ADAMTS19: variants seen among roughly 807,000 people sequenced by gnomAD.
ADAMTS19 encodes the protein ADAM metallopeptidase with thrombospondin type 1 motif 19, also known as A disintegrin and metalloproteinase with thrombospondin motifs 19.
Under a neutral mutation model 153.3 loss-of-function variants are expected in ADAMTS19, and 93 were observed. The observed-to-expected ratio is 0.61, with a 90% CI of 0.51 to 0.72. The LOEUF (loss-of-function observed/expected upper bound fraction) is 0.72. Among genes scored for constraint, ADAMTS19 ranks in the 30% least tolerant of loss-of-function variants. The pLI, the probability that ADAMTS19 is intolerant of heterozygous loss-of-function variation, is 0.00. For synonymous variants in ADAMTS19, 600 were observed against 556.6 expected (o/e 1.08, Z -1.10); for missense variants, 1,482 against 1,552.1 (o/e 0.95, Z 0.76).
chr5:129,651,655 G>A (rs1397911237), intron 13 of ADAMTS19, among the ~76,000 whole-genome samples: 1 of 152,128 alleles, frequency 6.6e-6, no homozygotes, highest in Non-Finnish European at 1.5e-5. Flanking sequence ...TTCAGTGTAT[G>A]TCAGTTCCTC....
chr5:129,471,555 T>A (rs370233486), intron 2 of ADAMTS19, among the ~76,000 whole-genome samples: 3 of 152,276 alleles, frequency 2.0e-5, no homozygotes, highest in East Asian at 3.9e-4. Context: ...CAAGGTACTT[T>A]TTTTTTAAAC....
chr5:129,698,603 T>C (rs1755678726), intron 19 of ADAMTS19, among the ~76,000 whole-genome samples: 3 of 152,198 alleles, frequency 2.0e-5, no homozygotes, highest in Admixed American at 6.5e-5. Flanking sequence ...GTGGTTTTCA[T>C]AAGGAATAGG....
chr5:129,673,504 AAG>A (rs1448329319), intron 16 of ADAMTS19, among the ~76,000 whole-genome samples: 1 of 152,136 alleles, frequency 6.6e-6, no homozygotes, highest in African/African-American at 2.4e-5. Context: ...CTGTTCTGAT[AAG>A]AGAATATATT....
intron 15 of ADAMTS19, among the ~76,000 whole-genome samples, chr5:129,660,940 C>T (rs927564211): frequency 1.3e-5 from 2 of 152,144 alleles, no homozygotes; most frequent in Non-Finnish European, 1.5e-5. Context: ...GGTGCTCACA[C>T]TGACCATACC....
chr5:129,606,036 C>T (rs958256941), intron 8 of ADAMTS19, among the ~76,000 whole-genome samples: 1 of 152,104 alleles, frequency 6.6e-6, no homozygotes, highest in African/African-American at 2.4e-5. Flanking sequence ...GGCATGGAGA[C>T]ATGGTTTTTC....
chr5:129,730,756 G>A (rs751640203), intron 21 of ADAMTS19, among the ~76,000 whole-genome samples: 4 of 151,996 alleles, frequency 2.6e-5, no homozygotes, highest in Non-Finnish European at 4.4e-5. Context: ...GAAATTCTAC[G>A]TCTTAAAATC....
intron 11 of ADAMTS19, among the ~76,000 whole-genome samples, chr5:129,643,367 CAAAAAAAAA>C (rs556007087): frequency 2.5e-5 from 1 of 40,360 alleles, no homozygotes; most frequent in Admixed American, 3.7e-4. Context: ...GTTTCAAAGA[CAAAAAAAAA>C]AAAAAAAAAA....
At chr5:129,673,909 C>T (rs1754427108) in intron 16 of ADAMTS19, among the ~76,000 whole-genome samples, 1 of 152,062 alleles carries the variant, frequency 6.6e-6, no homozygotes, top group South Asian at 2.1e-4. Flanking sequence ...CAAAATATTT[C>T]TTGCCCTTGT....
In ADAMTS19 at chr5:129,460,426, T is replaced by TCTG. The variant is rs776349435; in HGVS notation, c.46_48dup (p.Cys16dup). On this transcript the variant is annotated inframe_insertion, in exon 1 of 23. Coordinates refer to ENST00000274487, the MANE Select transcript of ADAMTS19 (RefSeq NM_133638.6). Reference sequence around the variant, plus strand: ...AACCGCGAGATGCGCCTGACTCACATCTGCTGCTGCTGCCTCCTTTACCAG... The same window carrying TCTG: ...AACCGCGAGATGCGCCTGACTCACATCTGCTGCTGCTGCTGCCTCCTTTACCAG... 1.2e-6 allele frequency: 2 copies of TCTG among 1,614,056 alleles called. No homozygotes were observed. Among genetic ancestry groups the TCTG allele is most frequent in the East Asian group, 2.2e-5 (1 of 44,848 alleles).
At position 129,569,395 on chromosome 5, in the gene ADAMTS19, A is replaced by T. The variant is rs1753821979; in HGVS notation, c.1372+17488A>T. Among the ~76,000 whole-genome samples the T allele has an allele frequency of 1.2e-4, 18 of 152,298 alleles. No individual in the cohort carries two copies. The South Asian group carries it at 1.4e-3, about 12-fold the overall frequency. On this transcript the variant is annotated intron_variant, in intron 7 of 22. Transcript: ENST00000274487. ...AATGCACAATTATATTTGAAATGTCAACACTCCTCTAAGTAATTGATAAAA... is the reference window on the plus strand; with the variant it reads ...AATGCACAATTATATTTGAAATGTCTACACTCCTCTAAGTAATTGATAAAA...
At chr5:129,506,204 G>C (rs1751264837) in intron 2 of ADAMTS19, among the ~76,000 whole-genome samples, 1 of 152,096 alleles carries the variant, frequency 6.6e-6, no homozygotes, top group African/African-American at 2.4e-5. Context: ...CCAGTATCTT[G>C]AATGACACAT....
intron 10 of ADAMTS19, among the ~76,000 whole-genome samples, chr5:129,630,293 C>T (rs1288687730): frequency 1.3e-5 from 2 of 151,924 alleles, no homozygotes; most frequent in Non-Finnish European, 2.9e-5. Flanking sequence ...ATTCCAGAGG[C>T]AACAAGAATT....
At chr5:129,714,425 C>CA (rs397949658) in intron 21 of ADAMTS19, among the ~76,000 whole-genome samples, 58,646 of 97,980 alleles carry the variant, frequency 0.6, 16,706 homozygotes, top group Non-Finnish European at 0.66. Flanking sequence ...GACTCCGTCT[C>CA]AAAAAAAAAA....
Position 129,583,506 on chromosome 5 carries a change from T to C in ADAMTS19, c.1373-13053T>C, listed in dbSNP as rs536866460. 1.2e-4 allele frequency among the ~76,000 whole-genome samples: 19 copies of C among 152,230 alleles called. No homozygotes were observed. The South Asian group carries it at 3.9e-3, about 32-fold the overall frequency. ...CCTGGATAATATCCTGAAGAGCGTTTTCCAAGTTGGTCCCATTCTCCCCGT... is the reference window on the plus strand; with the variant it reads ...CCTGGATAATATCCTGAAGAGCGTTCTCCAAGTTGGTCCCATTCTCCCCGT... On this transcript the variant is annotated intron_variant, in intron 7 of 22. Coordinates refer to ENST00000274487, the MANE Select transcript of ADAMTS19 (RefSeq NM_133638.6).
At chr5:129,576,722 C>T (rs1171601864) in intron 7 of ADAMTS19, among the ~76,000 whole-genome samples, 3 of 151,922 alleles carry the variant, frequency 2.0e-5, no homozygotes, top group Non-Finnish European at 4.4e-5. Flanking sequence ...CTCTCTGAAA[C>T]TTTTTTGATC....
chr5:129,587,390 C>T (rs544436661), intron 7 of ADAMTS19, among the ~76,000 whole-genome samples: 12 of 151,562 alleles, frequency 7.9e-5, no homozygotes, highest in African/African-American at 2.7e-4. Flanking sequence ...TCCTTGGTGA[C>T]AGTTTATTGT....
chr5:129,552,647 CAGGATGAGCAGTATTTTAA>C (rs1486404007), intron 7 of ADAMTS19, among the ~76,000 whole-genome samples: 4 of 151,616 alleles, frequency 2.6e-5, no homozygotes, highest in African/African-American at 9.7e-5. Flanking sequence ...TTCATTTCTA[CAGGATGAGCAGTATTTTAA>C]CTTGACCATT....
At chr5:129,645,737 C>A (rs1008057629) in intron 11 of ADAMTS19, among the ~76,000 whole-genome samples, 12 of 151,990 alleles carry the variant, frequency 7.9e-5, no homozygotes, top group African/African-American at 2.9e-4. Flanking sequence ...ACATAAACAC[C>A]CTTAAAGTAG....
chr5:129,656,870 T>A (rs556856204), intron 14 of ADAMTS19, among the ~76,000 whole-genome samples: 1 of 152,356 alleles, frequency 6.6e-6, no homozygotes, highest in South Asian at 2.1e-4. Context: ...TATTACTTAC[T>A]GTTTTCTCAC....
Sources: gnomAD v4.1 joint callset for allele counts (sites outside exome capture counted in the v4.1 genomes callset) on GRCh38, gnomAD v4.1.1 for gene constraint, MANE v1.5 for transcripts, NCBI Gene and HGNC (gene_info 2026-07-23, HGNC 2026-07-21) for gene names.